Variants in PPM1L observed in about 807,000 individuals in gnomAD.
PPM1L encodes the protein protein phosphatase 1L.
In PPM1L, 13 loss-of-function variants were observed where a neutral mutation model predicts 31.4. The ratio of observed to expected loss-of-function variants is 0.41; its 90% CI spans 0.27 to 0.66. The LOEUF is 0.66. Among genes scored for constraint, PPM1L ranks in the 30% least tolerant of loss-of-function variants. The probability of loss-of-function intolerance (pLI) is 0.29; values close to 1 mark genes in which losing one functional copy is unlikely to be tolerated. For missense variants in PPM1L, 326 were observed against 453.7 expected, an observed-to-expected ratio of 0.72 and a Z score of 2.56; for synonymous variants, 184 against 175.4, an observed-to-expected ratio of 1.05 and a Z score of -0.39.
chr3:161,017,528 A>G (rs1253717177), intron 2 of PPM1L, among the ~76,000 whole-genome samples: 1 of 152,130 alleles, frequency 6.6e-6, no homozygotes, highest in Non-Finnish European at 1.5e-5. Flanking sequence ...ACAGTGTTCT[A>G]TTTTCTGAAG....
Position 160,756,839 on chromosome 3 carries a change from G to C in PPM1L, c.399+132G>C. 9.7e-7 allele frequency: 1 copy of C among 1,033,742 alleles called. No homozygotes were observed. The highest frequency in any genetic ancestry group is 1.7e-5 in the South Asian group (1 of 60,148). 64.0% of individuals were successfully genotyped at this position (1,033,742 alleles called of 1,614,324 possible). Reference sequence around the variant, plus strand: ...GCAGCGGGAGAGGATCTGGGTGCGAGGGGCGTGGTGATGACACCACGGTGC... The same window carrying C: ...GCAGCGGGAGAGGATCTGGGTGCGACGGGCGTGGTGATGACACCACGGTGC... On this transcript the variant is annotated intron_variant, in intron 1 of 3. Transcript: ENST00000498165. The surrounding 1 kb of genome is among the most constrained non-coding windows in gnomAD (Gnocchi z 6.2).
intron 2 of PPM1L, among the ~76,000 whole-genome samples, chr3:161,033,052 T>C (rs1028512086): frequency 1.5e-5 from 2 of 134,174 alleles, no homozygotes; most frequent in African/African-American, 5.7e-5. Flanking sequence ...AGGGAGGAGA[T>C]AGAGTATCCT....
intron 2 of PPM1L, among the ~76,000 whole-genome samples, chr3:161,050,742 A>C (rs1423875166): frequency 6.6e-6 from 1 of 152,116 alleles, no homozygotes; most frequent in Non-Finnish European, 1.5e-5. Context: ...TTAATAATGC[A>C]TTTTGTCATA....
intron 2 of PPM1L, among the ~76,000 whole-genome samples, chr3:160,977,243 G>T (rs1559911056): frequency 6.6e-6 from 1 of 152,264 alleles, no homozygotes; most frequent in East Asian, 1.9e-4. Context: ...TTGATAAGGA[G>T]TTTCTTTAGT....
intron 1 of PPM1L, among the ~76,000 whole-genome samples, chr3:160,957,396 T>A (rs1178547685): frequency 6.6e-6 from 1 of 152,190 alleles, no homozygotes; most frequent in Non-Finnish European, 1.5e-5. Flanking sequence ...TAAAATGATT[T>A]CTATTCCTTT....
chr3:161,012,044 C>G (rs143127888), intron 2 of PPM1L, among the ~76,000 whole-genome samples: 1 of 152,294 alleles, frequency 6.6e-6, no homozygotes, highest in African/African-American at 2.4e-5. Flanking sequence ...GCCAGAACTT[C>G]CAACACTATG....
intron 2 of PPM1L, among the ~76,000 whole-genome samples, chr3:161,021,240 A>T (rs769330699): frequency 6.6e-6 from 1 of 151,980 alleles, no homozygotes; most frequent in Non-Finnish European, 1.5e-5. Flanking sequence ...ATTTCCACTC[A>T]TCTCAAAATA....
chr3:160,977,019 A>G (rs1716612353), intron 2 of PPM1L, among the ~76,000 whole-genome samples: 1 of 152,118 alleles, frequency 6.6e-6, no homozygotes, highest in Non-Finnish European at 1.5e-5. Context: ...TTAGTGCTAT[A>G]AATTTCCCTC....
intron 1 of PPM1L, among the ~76,000 whole-genome samples, chr3:160,863,737 C>G (rs931015035): frequency 2.6e-5 from 4 of 152,150 alleles, no homozygotes; most frequent in Non-Finnish European, 5.9e-5. Context: ...ACACAAATAG[C>G]CTAGTTCTTC....
chr3:160,802,479 A>G (rs763885982), intron 1 of PPM1L, among the ~76,000 whole-genome samples: 21 of 152,212 alleles, frequency 1.4e-4, no homozygotes, highest in Non-Finnish European at 3.1e-4. Flanking sequence ...GGTAGACAAC[A>G]GGGTCTCATT....
intron 1 of PPM1L, among the ~76,000 whole-genome samples, chr3:160,947,971 A>C (rs113362232): frequency 0.025 from 3,787 of 152,260 alleles, 83 homozygotes; most frequent in South Asian, 0.042. Context: ...TTCTAATCGC[A>C]CCACTGAACT....
At chr3:160,814,990 C>T (rs1042421789) in intron 1 of PPM1L, among the ~76,000 whole-genome samples, 3 of 151,904 alleles carry the variant, frequency 2.0e-5, no homozygotes, top group Admixed American at 6.6e-5. Flanking sequence ...AATGGACTTT[C>T]GGGATTCAGG....
intron 2 of PPM1L, among the ~76,000 whole-genome samples, chr3:161,061,851 GAAC>G (rs1269024179): frequency 6.6e-6 from 1 of 152,084 alleles, no homozygotes; most frequent in Admixed American, 6.6e-5. Context: ...ATATTACAGG[GAAC>G]AACAACAACA....
At chr3:160,914,751 T>C (rs1714100814) in intron 1 of PPM1L, among the ~76,000 whole-genome samples, 1 of 152,138 alleles carries the variant, frequency 6.6e-6, no homozygotes, top group Admixed American at 6.6e-5. Flanking sequence ...ACTAAACATA[T>C]GTGTGCATGT....
rs148425784 is a variant in PPM1L at position 161,047,103 on chromosome 3, G to T, written c.575-18300G>T. Among the ~76,000 whole-genome samples, 3 of 152,244 alleles carry T rather than the reference G, an allele frequency of 2.0e-5. No individual in the cohort carries two copies. In the East Asian group the frequency reaches 5.8e-4, roughly 29 times the overall value. ...AGTTCTGGCCAGGGCAATCAGGCAG[G>T]AGAAAGAAATAAAGGGTATTCAGCT... is the stretch of plus-strand genomic sequence containing the variant. On this transcript the variant is annotated intron_variant, in intron 2 of 3. Transcript: ENST00000498165.
intron 2 of PPM1L, among the ~76,000 whole-genome samples, chr3:161,031,502 C>CTTTTTTTTTCTTTTTTT (rs1718564859): frequency 9.8e-6 from 1 of 101,686 alleles, no homozygotes; most frequent in African/African-American, 4.4e-5. Context: ...GTATTCTGTC[C>CTTTTTTTTTCTTTTTTT]TTTTTTTTTT....
At position 160,971,000 on chromosome 3, in the gene PPM1L, T is replaced by G. The variant is rs376661596; in HGVS notation, c.574+9090T>G. On this transcript the variant is annotated intron_variant, in intron 2 of 3. Coordinates refer to ENST00000498165, the MANE Select transcript of PPM1L (RefSeq NM_139245.4). ...AGAGACGGGGTTTCACCCTGTTAGC[T>G]CAGTTATAATTCTTACACTTTCCAT... Among the ~76,000 whole-genome samples, 37 of 152,216 alleles carry G rather than the reference T, an allele frequency of 2.4e-4. 1 individual carries two copies. The East Asian group carries it at 6.8e-3, about 28-fold the overall frequency.
At chr3:161,060,452 C>T (rs947585936) in intron 2 of PPM1L, among the ~76,000 whole-genome samples, 1 of 152,024 alleles carries the variant, frequency 6.6e-6, no homozygotes. Context: ...TGAAATAGCC[C>T]GGGGGCTAAA....
chr3:160,799,268 A>G (rs1712352358), intron 1 of PPM1L, among the ~76,000 whole-genome samples: 1 of 152,228 alleles, frequency 6.6e-6, no homozygotes, highest in African/African-American at 2.4e-5. Context: ...GGAAAATGCT[A>G]TCAAACAGCA....
Sources: gnomAD v4.1 joint callset for allele counts (sites outside exome capture counted in the v4.1 genomes callset) on GRCh38, gnomAD v4.1.1 for gene constraint, Gnocchi (gnomAD v3.1) non-coding constraint, MANE v1.5 for transcripts, NCBI Gene and HGNC (gene_info 2026-07-23, HGNC 2026-07-21) for gene names.